The following ASPH variants were observed in gnomAD, a reference collection of about 807,000 sequenced individuals.
The protein encoded by ASPH is aspartate beta-hydroxylase.
A neutral mutation model predicts 118.4 loss-of-function variants in ASPH; 100 were observed. The ratio of observed to expected loss-of-function variants is 0.84; its 90% CI spans 0.72 to 1.00. ASPH has a LOEUF of 1.00. ASPH is among the 50% of genes least tolerant of loss of function. The pLI, the probability that ASPH is intolerant of heterozygous loss-of-function variation, is 0.00. For synonymous variants in ASPH, 315 were observed against 325.6 expected (o/e 0.97, Z 0.35); for missense variants, 920 against 919.5 (o/e 1.00, Z -0.01).
At chr8:61,628,707 C>CCTTCTGTGT (rs1404772254) in intron 13 of ASPH, among the ~76,000 whole-genome samples, 16 of 152,136 alleles carry the variant, frequency 1.1e-4, no homozygotes, top group Non-Finnish European at 2.2e-4. Context: ...CCCTCTGAAG[C>CCTTCTGTGT]TGGGTGAGTT....
chr8:61,567,576 G>A (rs1387505465), intron 16 of ASPH, among the ~76,000 whole-genome samples: 1 of 152,208 alleles, frequency 6.6e-6, no homozygotes, highest in East Asian at 1.9e-4. Context: ...CGCTGGGGCT[G>A]ATGGAGATGT....
chr8:61,646,977 C>A, intron 5 of ASPH, 99 bp from the exon 6 acceptor site: 1 of 1,508,382 alleles, frequency 6.6e-7, no homozygotes, highest in South Asian at 1.2e-5. Context: ...CTGGGGCTTC[C>A]CCTGCCCCTC....
At chr8:61,578,793 G>C in intron 15 of ASPH, 1 of 1,599,656 alleles carries the variant, frequency 6.3e-7, no homozygotes, top group Non-Finnish European at 8.6e-7. Flanking sequence ...GATGGAGAAT[G>C]AATTTGTCCT....
At chr8:61,665,432 T>A (rs751087218) in intron 3 of ASPH, 1 of 1,600,164 alleles carries the variant, frequency 6.2e-7, no homozygotes, top group East Asian at 2.3e-5. Context: ...TTTCTCTTTT[T>A]CTCTGTCCTT....
chr8:61,662,983 C>T (rs912495298), intron 3 of ASPH: 1 of 985,256 alleles, frequency 1.0e-6, no homozygotes, highest in Non-Finnish European at 1.2e-6. Context: ...TACCAGAATG[C>T]TCTCAACAAA....
chr8:61,554,816 C>A (rs1827273208), intron 19 of ASPH, among the ~76,000 whole-genome samples: 1 of 152,218 alleles, frequency 6.6e-6, no homozygotes, highest in South Asian at 2.1e-4. Flanking sequence ...CAGCTCAATG[C>A]AGCCTCGACC....
intron 13 of ASPH, among the ~76,000 whole-genome samples, chr8:61,619,934 C>T (rs1444104341): frequency 6.6e-6 from 1 of 152,186 alleles, no homozygotes; most frequent in Non-Finnish European, 1.5e-5. Flanking sequence ...ACTCTGTCCT[C>T]TCCCACAGAA....
intron 16 of ASPH, among the ~76,000 whole-genome samples, chr8:61,572,896 C>A (rs1833904853): frequency 6.6e-6 from 1 of 152,132 alleles, no homozygotes. Flanking sequence ...AAAGCGTATT[C>A]AAATAGAAAG....
intron 3 of ASPH, chr8:61,664,797 C>G: frequency 3.0e-6 from 3 of 986,272 alleles, no homozygotes; most frequent in Non-Finnish European, 2.4e-6. Flanking sequence ...GAGGTGTCCA[C>G]GAAAGAGAAA....
chr8:61,582,826 A>G (rs1838004168), intron 15 of ASPH, among the ~76,000 whole-genome samples: 2 of 152,250 alleles, frequency 1.3e-5, no homozygotes, highest in African/African-American at 4.8e-5. Flanking sequence ...AGCCTATTAC[A>G]GGAAAACTAA....
At position 61,518,050 on chromosome 8, in the gene ASPH, T is replaced by C. The variant is rs1811546078; in HGVS notation, c.1974A>G (p.Thr658=). Reference sequence around the variant, plus strand: ...TTGGTACCTGTCCTCTTCTGCATCCTGTTGTCTCGGGGAACTTTTCTAGTA... The same window carrying C: ...TTGGTACCTGTCCTCTTCTGCATCCCGTTGTCTCGGGGAACTTTTCTAGTA... The part of the protein sequence containing the change: ...CTLLEKFPET[T]GCRRGQIKYS... The change falls in exon 23 of 25, where the codon ACA becomes ACG. Residue 658 remains threonine, a synonymous_variant. Coordinates refer to ENST00000379454, the MANE Select transcript of ASPH (RefSeq NM_004318.4). 1 of 1,613,838 alleles carries C rather than the reference T, an allele frequency of 6.2e-7. No homozygotes were observed.
At chr8:61,651,646 G>A (rs1250043303) in intron 4 of ASPH, among the ~76,000 whole-genome samples, 2 of 152,160 alleles carry the variant, frequency 1.3e-5, no homozygotes, top group African/African-American at 4.8e-5. Context: ...CTCTCACTCA[G>A]GTTTGTCAGG....
intron 14 of ASPH, among the ~76,000 whole-genome samples, chr8:61,608,830 TTTC>T (rs1846401005): frequency 6.6e-6 from 1 of 152,206 alleles, no homozygotes; most frequent in African/African-American, 2.4e-5. Flanking sequence ...TCTACCGCAC[TTTC>T]TTCTTCCTCT....
At chr8:61,682,730 ATT>A (rs538159737) in intron 2 of ASPH, among the ~76,000 whole-genome samples, 121 of 152,264 alleles carry the variant, frequency 7.9e-4, no homozygotes, top group African/African-American at 2.7e-3. Context: ...AAATAAGCAT[ATT>A]TTGTTATTCC....
At chr8:61,551,469 G>A (rs1157744461) in intron 20 of ASPH, among the ~76,000 whole-genome samples, 1 of 152,164 alleles carries the variant, frequency 6.6e-6, no homozygotes, top group Non-Finnish European at 1.5e-5. Context: ...CTGTAAGAAC[G>A]AATCCTTCTG....
At chr8:61,589,555 C>T (rs2132868014) in intron 14 of ASPH, among the ~76,000 whole-genome samples, 1 of 152,294 alleles carries the variant, frequency 6.6e-6, no homozygotes, top group Non-Finnish European at 1.5e-5. Context: ...AACATCCCAG[C>T]TACCTCTTCT....
chr8:61,662,779 T>C (rs1444461034), intron 3 of ASPH: 1 of 905,206 alleles, frequency 1.1e-6, no homozygotes. Flanking sequence ...TTTCAATTCT[T>C]GAGCTAACAG....
At chr8:61,627,733 G>A (rs775366869) in intron 13 of ASPH, among the ~76,000 whole-genome samples, 12 of 152,078 alleles carry the variant, frequency 7.9e-5, no homozygotes, top group Admixed American at 1.3e-4. Flanking sequence ...TAAACTAAAA[G>A]TTCTACTACA....
Position 61,562,930 on chromosome 8 carries a change from C to T in ASPH, c.1301-50G>A, listed in dbSNP as rs187902924. 1,568 of 1,509,840 alleles carry T rather than the reference C, an allele frequency of 1.0e-3. 1 individual carries two copies. The highest frequency in any genetic ancestry group is 1.3e-3 in the Non-Finnish European group (1,431 of 1,130,990). The allele number at this position is 1,509,840 out of a possible 1,614,324, so 93.5% of individuals were successfully genotyped here. A position where few individuals can be genotyped will look rare whatever the true frequency, so the allele number is the denominator to read the frequency against. On this transcript the variant is annotated intron_variant, in intron 17 of 24. Coordinates refer to ENST00000379454, the MANE Select transcript of ASPH (RefSeq NM_004318.4). Reference sequence around the variant, plus strand: ...AATAGAAATAAAAACAGATTATGTACACTTTTGTATTGAGAATGTAAGTCA... The same window carrying T: ...AATAGAAATAAAAACAGATTATGTATACTTTTGTATTGAGAATGTAAGTCA...
Sources: gnomAD v4.1 joint callset for allele counts (sites outside exome capture counted in the v4.1 genomes callset) on GRCh38, gnomAD v4.1.1 for gene constraint, MANE v1.5 for transcripts, NCBI Gene and HGNC (gene_info 2026-07-23, HGNC 2026-07-21) for gene names.